Variants in TCHP observed in about 807,000 individuals in gnomAD.
TCHP encodes the protein trichoplein keratin filament-binding protein.
In TCHP, 81 loss-of-function variants were observed where a neutral mutation model predicts 88.7. The observed-to-expected ratio is 0.91, with a 90% CI of 0.76 to 1.10. The LOEUF is 1.10. Among genes scored for constraint, TCHP ranks in the 50% least tolerant of loss-of-function variants. The pLI, the probability that TCHP is intolerant of heterozygous loss-of-function variation, is 0.00. For missense variants in TCHP, 641 were observed against 632.1 expected (o/e 1.01, Z -0.15); for synonymous variants, 232 against 232.5 (o/e 1.00, Z 0.02).
intron 1 of TCHP, among the ~76,000 whole-genome samples, chr12:109,901,462 C>CCCA (rs1869790388): frequency 6.6e-6 from 1 of 152,148 alleles, no homozygotes; most frequent in East Asian, 1.9e-4. Flanking sequence ...GGACTCCTTA[C>CCCA]CCACCCCTTT....
chr12:109,915,639 G>A (rs1225142329), intron 12 of TCHP, 93 bp downstream of exon 12: 3 of 1,414,718 alleles, frequency 2.1e-6, no homozygotes, highest in Non-Finnish European at 2.8e-6. Context: ...CCGCGCCGGG[G>A]TCTGCTCTCC....
chr12:109,913,157 C>T, intron 10 of TCHP, 85 bp downstream of exon 10: 3 of 1,249,812 alleles, frequency 2.4e-6, no homozygotes, highest in South Asian at 1.2e-5. Context: ...CTGCCAGATG[C>T]TCTGGGAACA....
intron 1 of TCHP, among the ~76,000 whole-genome samples, chr12:109,901,255 G>T (rs1477619911): frequency 8.4e-6 from 1 of 119,338 alleles, no homozygotes; most frequent in Non-Finnish European, 1.7e-5. Flanking sequence ...CTGTGATCCT[G>T]AGCAAATCAC....
chr12:109,908,160 C>T (rs1174798870), intron 6 of TCHP, among the ~76,000 whole-genome samples: 1 of 152,134 alleles, frequency 6.6e-6, no homozygotes, highest in Non-Finnish European at 1.5e-5. Context: ...GAGGGAGGCC[C>T]ATGCTCCTGT....
chr12:109,908,459 C>T (rs1870273013), intron 6 of TCHP, 127 bp from the exon 7 acceptor site: 12 of 731,182 alleles, frequency 1.6e-5, no homozygotes, highest in South Asian at 5.1e-5. Context: ...GGGAGGGGAT[C>T]GTGACCACCT....
In TCHP at chr12:109,903,879, A is replaced by G. The variant is rs1345412819; in HGVS notation, c.189-58A>G. ...GCCTCTTTTACCGACACAGCAGAGCAGAGCACGTTCCCTGTGGCTGTAGCA... is the reference window on the plus strand; with the variant it reads ...GCCTCTTTTACCGACACAGCAGAGCGGAGCACGTTCCCTGTGGCTGTAGCA... On this transcript the variant is annotated intron_variant, in intron 2 of 12. Transcript: ENST00000405876. This position sits in a 1 kb window ranked among gnomAD's most constrained non-coding sequence, Gnocchi z 4.6. 1.4e-6 allele frequency: 2 copies of G among 1,409,304 alleles called. No homozygotes were observed. The allele number at this position is 1,409,304 out of a possible 1,614,324, so 87.3% of individuals were successfully genotyped here.
In TCHP at chr12:109,905,561, G is replaced by C. The variant is rs924232813; in HGVS notation, c.456+768G>C. 6.6e-6 allele frequency among the ~76,000 whole-genome samples: 1 copy of C among 152,210 alleles called. No homozygotes were observed. Among genetic ancestry groups the C allele is most frequent in the Non-Finnish European group, 1.5e-5 (1 of 68,032 alleles). ...TGGCAGGGGAGGGGGTGGCCTCTTGGCTTGGTGGCCTTGTTCAGTGGAGAT... is the reference window on the plus strand; with the variant it reads ...TGGCAGGGGAGGGGGTGGCCTCTTGCCTTGGTGGCCTTGTTCAGTGGAGAT... On this transcript the variant is annotated intron_variant, in intron 4 of 12. Transcript: ENST00000405876. The surrounding 1 kb of genome is among the most constrained non-coding windows in gnomAD (Gnocchi z 4.0).
intron 4 of TCHP, 126 bp from the exon 5 acceptor site, chr12:109,906,446 C>G: frequency 2.6e-6 from 2 of 755,054 alleles, no homozygotes; most frequent in Non-Finnish European, 4.5e-6. Context: ...GCCTGTGCCA[C>G]TGAGTCCCCA....
At chr12:109,887,347 A>G in the TCHP span, among the ~76,000 whole-genome samples, 2 of 148,476 alleles carry the variant, frequency 1.3e-5, no homozygotes, top group African/African-American at 2.5e-5. Context: ...GCTTGAACAC[A>G]GGAGGCAGAG....
At chr12:109,914,933 C>A in intron 11 of TCHP, 1 of 410,294 alleles carries the variant, frequency 2.4e-6, no homozygotes, top group Non-Finnish European at 4.5e-6. Context: ...ATACATAAGA[C>A]AGAACAGTCC....
intron 9 of TCHP, among the ~76,000 whole-genome samples, chr12:109,911,611 C>CAAAAAAAAAAA (rs1209414114): frequency 6.6e-5 from 3 of 45,514 alleles, no homozygotes; most frequent in Non-Finnish European, 9.2e-5. Context: ...GACTCTGTCT[C>CAAAAAAAAAAA]AAAAAAAAAA....
chr12:109,885,630 C>T, the TCHP span, among the ~76,000 whole-genome samples: 1 of 151,964 alleles, frequency 6.6e-6, no homozygotes, highest in African/African-American at 2.4e-5. Flanking sequence ...TACAGGCGCT[C>T]ACCATCACGC....
At chr12:109,911,716 T>A (rs1870507275) in intron 9 of TCHP, among the ~76,000 whole-genome samples, 1 of 152,052 alleles carries the variant, frequency 6.6e-6, no homozygotes, top group African/African-American at 2.4e-5. Flanking sequence ...TGGGGGTGTT[T>A]CCCTTGTATT....
At position 109,914,439 on chromosome 12, in the gene TCHP, T is replaced by C; in HGVS notation, c.1135-3T>C. 1 of 1,609,184 alleles carries C rather than the reference T, an allele frequency of 6.2e-7. No homozygotes were observed. On this transcript the variant is annotated splice_polypyrimidine_tract_variant and splice_region_variant and intron_variant, in intron 10 of 12. Transcript: ENST00000405876. ...GCTGCCCTTTTCTTTCTGCTGAGGTTAGGTTCTGACAGGGAGACAACAGCA... is the reference window on the plus strand; with the variant it reads ...GCTGCCCTTTTCTTTCTGCTGAGGTCAGGTTCTGACAGGGAGACAACAGCA...
At chr12:109,914,264 A>G in intron 10 of TCHP, 178 bp from the exon 11 acceptor site, 1 of 543,138 alleles carries the variant, frequency 1.8e-6, no homozygotes, top group Non-Finnish European at 3.3e-6. Context: ...GTATACTGGC[A>G]AGCGTGGCCG....
intron 3 of TCHP, 23 bp downstream of exon 3, chr12:109,904,170 G>A: frequency 1.9e-6 from 3 of 1,550,890 alleles, no homozygotes; most frequent in South Asian, 1.2e-5. Context: ...AGGGCTTCAG[G>A]AGGCTGTGGA....
rs1870100158 is a variant in TCHP at position 109,905,941 on chromosome 12, TCCTC to T, written c.457-628_457-625del. 6.6e-6 allele frequency among the ~76,000 whole-genome samples: 1 copy of T among 152,184 alleles called. No individual in the cohort carries two copies. The highest frequency in any genetic ancestry group is 6.5e-5 in the Admixed American group (1 of 15,284). On this transcript the variant is annotated intron_variant, in intron 4 of 12. Transcript: ENST00000405876. This position sits in a 1 kb window ranked among gnomAD's most constrained non-coding sequence, Gnocchi z 4.0. Reference sequence around the variant, plus strand: ...TGGTCTCAAACCTGGGCTCAAGTGATCCTCCCACCTCAGCCTCCCGAGTAGCTGA... The same window carrying T: ...TGGTCTCAAACCTGGGCTCAAGTGATCCACCTCAGCCTCCCGAGTAGCTGA...
chr12:109,887,073 C>G, the TCHP span, among the ~76,000 whole-genome samples: 1 of 152,182 alleles, frequency 6.6e-6, no homozygotes, highest in Non-Finnish European at 1.5e-5. Context: ...TGCACACATA[C>G]ACATTCATGT....
At chr12:109,900,072 C>T (rs536042050), upstream of TCHP, among the ~76,000 whole-genome samples, 1 of 152,380 alleles carries the variant, frequency 6.6e-6, no homozygotes, top group South Asian at 2.1e-4. Context: ...TCTCTTCCCC[C>T]TGGTTTCCAC....
Sources: gnomAD v4.1 joint callset for allele counts (sites outside exome capture counted in the v4.1 genomes callset) on GRCh38, gnomAD v4.1.1 for gene constraint, Gnocchi (gnomAD v3.1) non-coding constraint, MANE v1.5 for transcripts, NCBI Gene and HGNC (gene_info 2026-07-23, HGNC 2026-07-21) for gene names.